PSMD1: variants seen among roughly 807,000 people sequenced by gnomAD.
PSMD1 encodes proteasome 26S subunit, non-ATPase 1, also known as 26S proteasome non-ATPase regulatory subunit 1.
A neutral mutation model predicts 119.0 loss-of-function variants in PSMD1; 18 were observed. That is an observed-to-expected ratio of 0.15 (90% CI 0.10 to 0.22). The LOEUF is 0.22. Ranked by LOEUF, PSMD1 falls within the 10% of genes least tolerant of loss-of-function variation. The probability of loss-of-function intolerance (pLI) is 1.00; values close to 1 mark genes in which losing one functional copy is unlikely to be tolerated. For synonymous variants in PSMD1, 374 were observed against 396.6 expected, an observed-to-expected ratio of 0.94 and a Z score of 0.68; for missense variants, 702 against 1,158.5, an observed-to-expected ratio of 0.61 and a Z score of 5.72.
At chr2:231,107,823 C>T (rs1429155995) in intron 16 of PSMD1, among the ~76,000 whole-genome samples, 8 of 152,154 alleles carry the variant, frequency 5.3e-5, no homozygotes, top group Non-Finnish European at 2.9e-5. Context: ...TTCAGGTACC[C>T]AAGAGCGATT....
At chr2:231,123,380 G>T in intron 16 of PSMD1, 1 of 1,430,982 alleles carries the variant, frequency 7.0e-7, no homozygotes, top group Non-Finnish European at 9.9e-7. Flanking sequence ...ATAGTTCTGT[G>T]GTTTGATGGC....
intron 18 of PSMD1, among the ~76,000 whole-genome samples, chr2:231,149,717 C>T (rs73994678): frequency 0.015 from 2,235 of 152,292 alleles, 58 homozygotes; most frequent in African/African-American, 0.051. Context: ...CACAGCATAA[C>T]ACATTTGTAA....
chr2:231,107,711 C>A (rs1261073352), intron 16 of PSMD1, among the ~76,000 whole-genome samples: 1 of 152,176 alleles, frequency 6.6e-6, no homozygotes, highest in Non-Finnish European at 1.5e-5. Context: ...AGTCACTGGA[C>A]AAGCATACAT....
At chr2:231,074,626 T>A (rs1294899482) in intron 7 of PSMD1, among the ~76,000 whole-genome samples, 2 of 152,202 alleles carry the variant, frequency 1.3e-5, no homozygotes, top group Non-Finnish European at 2.9e-5. Context: ...GTAATTTTCC[T>A]AATTTCTCTT....
intron 16 of PSMD1, among the ~76,000 whole-genome samples, chr2:231,109,957 G>C (rs1695099035): frequency 6.6e-6 from 1 of 152,134 alleles, no homozygotes; most frequent in South Asian, 2.1e-4. Context: ...TCATTAAAAA[G>C]TGCTACTTAA....
chr2:231,165,001 A>C (rs1696724812), intron 21 of PSMD1, 199 bp from the exon 22 acceptor site: 2 of 121,652 alleles, frequency 1.6e-5, no homozygotes, highest in Non-Finnish European at 3.1e-5. Context: ...TGTCCTGCTT[A>C]GTTTTCCCAT....
At chr2:231,104,612 G>A (rs1324740002) in intron 16 of PSMD1, among the ~76,000 whole-genome samples, 3 of 152,186 alleles carry the variant, frequency 2.0e-5, no homozygotes, top group African/African-American at 7.2e-5. Context: ...GAAGAAACCA[G>A]TATTCACATT....
chr2:231,116,032 C>CT (rs1164504971), intron 16 of PSMD1, among the ~76,000 whole-genome samples: 5 of 152,028 alleles, frequency 3.3e-5, no homozygotes, highest in African/African-American at 1.2e-4. Context: ...CTTGGAATGT[C>CT]TCATGGAAAG....
intron 1 of PSMD1, among the ~76,000 whole-genome samples, chr2:231,057,446 ACCC>A (rs1559213595): frequency 6.6e-6 from 1 of 152,050 alleles, no homozygotes; most frequent in Non-Finnish European, 1.5e-5. Context: ...AGTAAGGCAA[ACCC>A]CCCTGATCGG....
intron 19 of PSMD1, among the ~76,000 whole-genome samples, chr2:231,156,422 T>G (rs1413869793): frequency 6.6e-6 from 1 of 152,142 alleles, no homozygotes; most frequent in Admixed American, 6.5e-5. Context: ...TGACAGATCT[T>G]TAATGACATG....
chr2:231,084,056 A>C (rs1000604355), intron 14 of PSMD1, among the ~76,000 whole-genome samples: 3 of 152,178 alleles, frequency 2.0e-5, no homozygotes, highest in African/African-American at 7.2e-5. Flanking sequence ...TTTTAGAAAT[A>C]ATAATTTTTG....
chr2:231,139,314 CTTTTTTTTT>C (rs60709158), intron 17 of PSMD1, among the ~76,000 whole-genome samples: 3 of 93,540 alleles, frequency 3.2e-5, no homozygotes, highest in Admixed American at 1.2e-4. Flanking sequence ...TTTTTTCTTT[CTTTTTTTTT>C]TTTTTTTTTT....
chr2:231,157,578 CT>C (rs111726538), intron 19 of PSMD1, among the ~76,000 whole-genome samples: 4 of 143,798 alleles, frequency 2.8e-5, no homozygotes, highest in Admixed American at 1.4e-4. Flanking sequence ...CATAAAAGTT[CT>C]TTTTTTTGGG....
At chr2:231,077,226 A>G in intron 9 of PSMD1, 64 bp downstream of exon 9, 3 of 1,087,342 alleles carry the variant, frequency 2.8e-6, no homozygotes, top group Non-Finnish European at 3.7e-6. Flanking sequence ...CATATAAGTA[A>G]TTATATTTAT....
At position 231,058,819 on chromosome 2, in the gene PSMD1, G is replaced by C. The variant is rs549954446; in HGVS notation, c.16+1778G>C. On this transcript the variant is annotated intron_variant, in intron 1 of 24. Transcript: ENST00000308696. ...TTCCTTTCTAGTCTTCTCTTCCTCA[G>C]ATTTTCCCTTAGCTTCTCAATCTTT... 7.2e-5 allele frequency among the ~76,000 whole-genome samples: 11 copies of C among 152,076 alleles called. No homozygotes were observed. The South Asian group carries it at 1.9e-3, about 26-fold the overall frequency.
At chr2:231,105,316 G>A (rs1694951242) in intron 16 of PSMD1, among the ~76,000 whole-genome samples, 1 of 152,054 alleles carries the variant, frequency 6.6e-6, no homozygotes. Flanking sequence ...TAATAAATAA[G>A]TGATTGTTGG....
At chr2:231,123,968 A>G in intron 16 of PSMD1, 1 of 565,060 alleles carries the variant, frequency 1.8e-6, no homozygotes, top group Non-Finnish European at 3.2e-6. Context: ...TAAGATATCC[A>G]AGTATTTATT....
chr2:231,092,931 T>C (rs749860630), intron 16 of PSMD1, among the ~76,000 whole-genome samples: 1 of 152,212 alleles, frequency 6.6e-6, no homozygotes, highest in Non-Finnish European at 1.5e-5. Flanking sequence ...ATTGGAACTT[T>C]TATAACTAAT....
chr2:231,170,598 T>C lies in PSMD1; in HGVS notation c.2748T>C (p.Asp916=), dbSNP rs1299081610. 6.2e-7 allele frequency: 1 copy of C among 1,614,028 alleles called. No homozygotes were observed. The highest frequency in any genetic ancestry group is 8.5e-7 in the Non-Finnish European group (1 of 1,179,980). Residue 916 remains aspartate (D), a synonymous_variant, in exon 24 of 25, where the codon GAT becomes GAC. Coordinates refer to ENST00000308696, the MANE Select transcript of PSMD1 (RefSeq NM_002807.4). This position sits in a 1 kb window ranked among gnomAD's most constrained non-coding sequence, Gnocchi z 4.1. ...TTGGAGGCATCATCATTCTGAAGGA[T>C]ACCAGTGAAGACATTGAGGAGCTGG... is the stretch of plus-strand genomic sequence containing the variant. ...LSIGGIIILK[D]TSEDIEELVE... is the part of the protein sequence containing the mutation.
Sources: gnomAD v4.1 joint callset for allele counts (sites outside exome capture counted in the v4.1 genomes callset) on GRCh38, gnomAD v4.1.1 for gene constraint, Gnocchi (gnomAD v3.1) non-coding constraint, MANE v1.5 for transcripts, NCBI Gene and HGNC (gene_info 2026-07-23, HGNC 2026-07-21) for gene names.